CAMKMT: variants seen among roughly 807,000 people sequenced by gnomAD.
The protein encoded by CAMKMT is calmodulin-lysine N-methyltransferase, also known as CaM KMT.
In CAMKMT, 53 loss-of-function variants were observed where a neutral mutation model predicts 48.0. The ratio of observed to expected loss-of-function variants is 1.10; its 90% CI spans 0.89 to 1.39. The LOEUF (loss-of-function observed/expected upper bound fraction) is 1.39. Ranked by LOEUF, CAMKMT falls within the 40% of genes most tolerant of loss-of-function variation. The pLI, the probability that CAMKMT is intolerant of heterozygous loss-of-function variation, is 0.00. For missense variants in CAMKMT, 428 were observed against 402.7 expected (o/e 1.06, Z -0.54); for synonymous variants, 165 against 152.3 (o/e 1.08, Z -0.61).
Position 44,657,455 on chromosome 2 carries a change from A to C in CAMKMT, c.377-46828A>C, listed in dbSNP as rs776022550. Among the ~76,000 whole-genome samples, 2 of 152,232 alleles carry C rather than the reference A, an allele frequency of 1.3e-5. No homozygotes were observed. Among genetic ancestry groups the C allele is most frequent in the Admixed American group, 6.5e-5 (1 of 15,288 alleles). ...ACCCTCCCTATGAAAGGATTGGCAG[A>C]TCAGAAATTTGGTTACATGTGCCAT... On this transcript the variant is annotated intron_variant, in intron 3 of 10. Transcript: ENST00000378494. The surrounding 1 kb of genome is among the most constrained non-coding windows in gnomAD (Gnocchi z 4.3).
intron 3 of CAMKMT, among the ~76,000 whole-genome samples, chr2:44,415,387 A>G (rs1424449922): frequency 2.6e-5 from 4 of 152,212 alleles, no homozygotes; most frequent in African/African-American, 4.8e-5. Flanking sequence ...AGACAGCCAG[A>G]CTAGAGGTTA....
chr2:44,608,166 G>A (rs939215424), intron 3 of CAMKMT, among the ~76,000 whole-genome samples: 3 of 148,226 alleles, frequency 2.0e-5, no homozygotes, highest in Admixed American at 6.8e-5. Context: ...TCCGCCTCCC[G>A]GGTTCACGCC....
intron 3 of CAMKMT, among the ~76,000 whole-genome samples, chr2:44,405,218 TA>T (rs1455939539): frequency 6.6e-6 from 1 of 152,104 alleles, no homozygotes; most frequent in African/African-American, 2.4e-5. Flanking sequence ...CTCTAGCTCA[TA>T]AAGACAGATG....
intron 3 of CAMKMT, among the ~76,000 whole-genome samples, chr2:44,520,322 C>T (rs796460942): frequency 2.6e-5 from 4 of 152,056 alleles, no homozygotes; most frequent in Admixed American, 6.5e-5. Context: ...CTACTACCCT[C>T]GAGGGAGATC....
chr2:44,768,361 A>ATATATATATATTTTTTTTTT (rs35058824), intron 10 of CAMKMT, among the ~76,000 whole-genome samples: 2 of 115,744 alleles, frequency 1.7e-5, no homozygotes, highest in African/African-American at 7.4e-5. Flanking sequence ...ATATATATAT[A>ATATATATATATTTTTTTTTT]TTTTTTTTTT....
chr2:44,495,258 C>T (rs888067300), intron 3 of CAMKMT, among the ~76,000 whole-genome samples: 9 of 152,004 alleles, frequency 5.9e-5, no homozygotes, highest in East Asian at 1.9e-4. Flanking sequence ...CTCCTGCCTA[C>T]GCCTCCTGAG....
intron 10 of CAMKMT, among the ~76,000 whole-genome samples, chr2:44,767,465 C>G (rs994711166): frequency 5.9e-5 from 9 of 152,146 alleles, no homozygotes; most frequent in Non-Finnish European, 1.3e-4. Flanking sequence ...AGTGTGTTGG[C>G]TTTTGGAAAA....
intron 3 of CAMKMT, among the ~76,000 whole-genome samples, chr2:44,558,948 T>C (rs1668172641): frequency 1.1e-5 from 1 of 90,844 alleles, no homozygotes; most frequent in East Asian, 2.2e-4. Flanking sequence ...GTCTGGAAAA[T>C]GTGTCTCTGT....
At chr2:44,757,189 C>T (rs115130949) in intron 9 of CAMKMT, among the ~76,000 whole-genome samples, 2 of 152,180 alleles carry the variant, frequency 1.3e-5, no homozygotes, top group African/African-American at 2.4e-5. Context: ...AGATGTTTAT[C>T]CAGGGGGATG....
chr2:44,362,564 C>G (rs749960743), intron 1 of CAMKMT, among the ~76,000 whole-genome samples: 13 of 152,150 alleles, frequency 8.5e-5, no homozygotes, highest in Non-Finnish European at 1.8e-4. Context: ...TCGTCTGCAC[C>G]CTCTGGCCCC....
intron 6 of CAMKMT, among the ~76,000 whole-genome samples, chr2:44,714,849 T>C (rs1678084022): frequency 2.0e-5 from 3 of 152,168 alleles, no homozygotes; most frequent in Admixed American, 2.0e-4. Context: ...AGCATCCTGC[T>C]TCACACCTCA....
At chr2:44,633,712 C>A (rs1672969255) in intron 3 of CAMKMT, among the ~76,000 whole-genome samples, 1 of 151,956 alleles carries the variant, frequency 6.6e-6, no homozygotes, top group African/African-American at 2.4e-5. Flanking sequence ...TTTGCTAAAT[C>A]CATCATCTTT....
At chr2:44,375,377 T>A (rs1558549933) in intron 2 of CAMKMT, among the ~76,000 whole-genome samples, 4 of 151,070 alleles carry the variant, frequency 2.6e-5, no homozygotes, top group South Asian at 2.1e-4. Context: ...TATATATATA[T>A]AAAAAAACAG....
intron 1 of CAMKMT, among the ~76,000 whole-genome samples, chr2:44,365,559 T>C (rs974396757): frequency 5.9e-5 from 9 of 152,212 alleles, no homozygotes; most frequent in Non-Finnish European, 7.3e-5. Flanking sequence ...TCCATCCAGC[T>C]AGTAATCCAG....
At chr2:44,669,277 G>A (rs1264230372) in intron 3 of CAMKMT, among the ~76,000 whole-genome samples, 1 of 152,058 alleles carries the variant, frequency 6.6e-6, no homozygotes, top group African/African-American at 2.4e-5. Flanking sequence ...CATTTTTACT[G>A]CAATATAATA....
chr2:44,633,718 T>C (rs115473868), intron 3 of CAMKMT, among the ~76,000 whole-genome samples: 3,665 of 152,284 alleles, frequency 0.024, 145 homozygotes, highest in African/African-American at 0.083. Context: ...AAATCCATCA[T>C]CTTTGTCACT....
chr2:44,402,452 A>G (rs1187471399), intron 3 of CAMKMT, among the ~76,000 whole-genome samples: 3 of 150,870 alleles, frequency 2.0e-5, no homozygotes, highest in African/African-American at 7.3e-5. Flanking sequence ...TATCATTTTT[A>G]TGAAACTTGT....
chr2:44,385,537 T>A (rs1680706848), intron 2 of CAMKMT, among the ~76,000 whole-genome samples: 2 of 151,622 alleles, frequency 1.3e-5, no homozygotes, highest in African/African-American at 4.8e-5. Flanking sequence ...AGAGTGGGCA[T>A]CCTTGTCTTG....
intron 3 of CAMKMT, among the ~76,000 whole-genome samples, chr2:44,394,636 C>T (rs1681656777): frequency 6.6e-6 from 1 of 152,064 alleles, no homozygotes; most frequent in Non-Finnish European, 1.5e-5. Flanking sequence ...CCATGTTGGC[C>T]AGGCTGGTCT....
Sources: gnomAD v4.1 joint callset for allele counts (sites outside exome capture counted in the v4.1 genomes callset) on GRCh38, gnomAD v4.1.1 for gene constraint, Gnocchi (gnomAD v3.1) non-coding constraint, MANE v1.5 for transcripts, NCBI Gene and HGNC (gene_info 2026-07-23, HGNC 2026-07-21) for gene names.